The following SLC35D4 variants were observed in gnomAD, a reference collection of about 807,000 sequenced individuals.
SLC35D4 encodes the protein solute carrier family 35 member D4.
the SLC35D4 span, among the ~76,000 whole-genome samples, chr18:23,396,860 C>T: frequency 3.3e-5 from 5 of 150,802 alleles, no homozygotes; most frequent in Admixed American, 6.6e-5. Flanking sequence ...TTCAAAATGT[C>T]TTGCAAAAAA....
the SLC35D4 span, chr18:23,377,618 C>T: frequency 6.4e-7 from 1 of 1,567,924 alleles, no homozygotes; most frequent in Non-Finnish European, 8.6e-7. Flanking sequence ...TATATTATGG[C>T]TTTTTGGGGG....
the SLC35D4 span, among the ~76,000 whole-genome samples, chr18:23,254,494 A>G: frequency 6.6e-6 from 1 of 152,276 alleles, no homozygotes; most frequent in African/African-American, 2.4e-5. Flanking sequence ...CCAACTGATT[A>G]GAAGACAGAT....
At chr18:23,287,083 T>C in the SLC35D4 span, among the ~76,000 whole-genome samples, 3 of 151,880 alleles carry the variant, frequency 2.0e-5, no homozygotes, top group Non-Finnish European at 2.9e-5. Flanking sequence ...TTAAAGCCTG[T>C]TATCACTCGC....
the SLC35D4 span, among the ~76,000 whole-genome samples, chr18:23,387,340 A>G: frequency 2.6e-5 from 4 of 152,118 alleles, no homozygotes; most frequent in East Asian, 7.7e-4. Flanking sequence ...TCTGCATCCA[A>G]ACTTTTGTTT....
the SLC35D4 span, among the ~76,000 whole-genome samples, chr18:23,391,488 GAAAA>G: frequency 1.3e-5 from 2 of 152,270 alleles, no homozygotes; most frequent in Non-Finnish European, 2.9e-5. Context: ...GAGGCCTCAG[GAAAA>G]CTTCAATTAG....
the SLC35D4 span, among the ~76,000 whole-genome samples, chr18:23,356,235 A>C: frequency 1.3e-5 from 2 of 152,176 alleles, no homozygotes; most frequent in Admixed American, 1.3e-4. This position sits in a 1 kb window ranked among gnomAD's most constrained non-coding sequence, Gnocchi z 4.1. Flanking sequence ...TCTGAACCCA[A>C]ATCTTCCCTT....
the SLC35D4 span, chr18:23,297,648 G>A: frequency 4.2e-6 from 1 of 237,994 alleles, no homozygotes; most frequent in South Asian, 6.1e-5. Context: ...CCAGAGGTGT[G>A]AAGCTCAGTC....
the SLC35D4 span, among the ~76,000 whole-genome samples, chr18:23,401,742 T>C: frequency 6.6e-6 from 1 of 152,174 alleles, no homozygotes; most frequent in Admixed American, 6.5e-5. Flanking sequence ...GCCCCAGACA[T>C]GTGTACTCCA....
the SLC35D4 span, chr18:23,297,970 C>T: frequency 2.8e-5 from 45 of 1,609,878 alleles, no homozygotes; most frequent in African/African-American, 4.0e-5. Context: ...GCTGTTCTCC[C>T]GCAGCAGCCT....
At chr18:23,300,032 C>T in the SLC35D4 span, among the ~76,000 whole-genome samples, 12 of 152,254 alleles carry the variant, frequency 7.9e-5, no homozygotes, top group East Asian at 3.9e-4. Flanking sequence ...GCACTGTCTC[C>T]GTGAGAAATT....
At chr18:23,344,601 T>C in the SLC35D4 span, among the ~76,000 whole-genome samples, 1 of 5,512 alleles carries the variant, frequency 1.8e-4, no homozygotes, top group East Asian at 0.25. Context: ...TTTTTTCTTC[T>C]TTTTTTTTTT....
At chr18:23,385,036 A>T in the SLC35D4 span, 1 of 1,613,704 alleles carries the variant, frequency 6.2e-7, no homozygotes, top group Non-Finnish European at 8.5e-7. Context: ...AACTTCAGCT[A>T]CATTATGCAA....
chr18:23,259,672 G>C, the SLC35D4 span: 1 of 152,240 alleles, frequency 6.6e-6, no homozygotes. Flanking sequence ...GGAAGTGGAG[G>C]AGGGTGAGAG....
the SLC35D4 span, among the ~76,000 whole-genome samples, chr18:23,355,693 G>A: frequency 2.2e-4 from 33 of 151,676 alleles, no homozygotes; most frequent in Middle Eastern, 3.4e-3. Context: ...GCTTCACAAG[G>A]CACTGTTTGA....
chr18:23,411,483 T>A, the SLC35D4 span, among the ~76,000 whole-genome samples: 111 of 91,714 alleles, frequency 1.2e-3, no homozygotes, highest in South Asian at 2.8e-3. Flanking sequence ...AAGAAAGAGA[T>A]AGAAAGAAAG....
chr18:23,238,884 G>T, the SLC35D4 span, among the ~76,000 whole-genome samples: 1 of 152,168 alleles, frequency 6.6e-6, no homozygotes, highest in Non-Finnish European at 1.5e-5. Context: ...CACAACTGCC[G>T]ACCTCGGGGT....
the SLC35D4 span, among the ~76,000 whole-genome samples, chr18:23,436,321 C>G: frequency 0.08 from 13 of 162 alleles, no homozygotes; most frequent in African/African-American, 0.23. Flanking sequence ...AGCCACCACG[C>G]CCGGGCCACA....
the SLC35D4 span, among the ~76,000 whole-genome samples, chr18:23,273,421 G>C: frequency 6.6e-6 from 1 of 152,202 alleles, no homozygotes; most frequent in Admixed American, 6.5e-5. Flanking sequence ...GGGGAGGCCC[G>C]TCTACATGGA....
the SLC35D4 span, among the ~76,000 whole-genome samples, chr18:23,417,452 C>T: frequency 6.6e-6 from 1 of 151,964 alleles, no homozygotes; most frequent in African/African-American, 2.4e-5. Flanking sequence ...TCAATTTATA[C>T]AAGGTACCCA....
Sources: allele counts gnomAD v4.1 joint callset (sites outside exome capture counted in the v4.1 genomes callset), GRCh38; gene constraint gnomAD v4.1.1; non-coding constraint Gnocchi (gnomAD v3.1); transcripts MANE v1.5; gene names NCBI Gene and HGNC (gene_info 2026-07-23, HGNC 2026-07-21).